ADSS2: variants seen among roughly 807,000 people sequenced by gnomAD.
ADSS2 encodes adenylosuccinate synthetase isozyme 2.
Under a neutral mutation model 60.0 loss-of-function variants are expected in ADSS2, and 30 were observed. The ratio of observed to expected loss-of-function variants is 0.50; its 90% CI spans 0.37 to 0.68. The LOEUF is 0.68. Ranked by LOEUF, ADSS2 falls within the 30% of genes least tolerant of loss-of-function variation. The probability of loss-of-function intolerance (pLI) is 0.00; values close to 1 mark genes in which losing one functional copy is unlikely to be tolerated. For missense variants in ADSS2, 373 were observed against 554.8 expected (o/e 0.67, Z 3.29); for synonymous variants, 187 against 193.1 (o/e 0.97, Z 0.26).
In ADSS2 at chr1:244,444,215, T is replaced by C. The variant is rs190566928; in HGVS notation, c.184-6447A>G. 1.2e-4 allele frequency among the ~76,000 whole-genome samples: 19 copies of C among 152,276 alleles called. No individual in the cohort carries two copies. The East Asian group carries it at 3.7e-3, about 29-fold the overall frequency. ...ACCAATTTTCTTTGACTGTTATTCT[T>C]ACATTAAGATGAAATACAGGCCGGG... On this transcript the variant is annotated intron_variant, in intron 1 of 12. Coordinates refer to ENST00000366535, the MANE Select transcript of ADSS2 (RefSeq NM_001126.5).
At chr1:244,431,526 T>C (rs1288449050) in intron 4 of ADSS2, among the ~76,000 whole-genome samples, 2 of 152,218 alleles carry the variant, frequency 1.3e-5, no homozygotes, top group African/African-American at 4.8e-5. Flanking sequence ...GTATTCCACA[T>C]TTTATCCACT....
chr1:244,436,895 TA>T lies in ADSS2; in HGVS notation c.287-3del, dbSNP rs747075231. 2.5e-6 allele frequency: 4 copies of T among 1,610,834 alleles called. No homozygotes were observed. The African/African-American group carries it at 5.3e-5, about 22-fold the overall frequency. ...GTAGATGAATTACCACACCATTTCC[TA>T]AAGGAAAACCAACAAATCCCAACGG... On this transcript the variant is annotated splice_polypyrimidine_tract_variant and splice_region_variant and intron_variant, in intron 2 of 12. Coordinates refer to ENST00000366535, the MANE Select transcript of ADSS2 (RefSeq NM_001126.5).
rs531248530 is a variant in ADSS2 at position 244,447,433 on chromosome 1, G to A, written c.183+4202C>T. 5.3e-5 allele frequency among the ~76,000 whole-genome samples: 8 copies of A among 152,122 alleles called. No individual in the cohort carries two copies. In the South Asian group the frequency reaches 6.2e-4, roughly 12 times the overall value. On this transcript the variant is annotated intron_variant, in intron 1 of 12. Coordinates refer to ENST00000366535, the MANE Select transcript of ADSS2 (RefSeq NM_001126.5). ...ACACCACTGAGATGGTCTCATACAC[G>A]TTTAAAAACTCATGCCTCAAAAGTA...
chr1:244,444,056 T>C (rs1446177063), intron 1 of ADSS2, among the ~76,000 whole-genome samples: 2 of 152,182 alleles, frequency 1.3e-5, no homozygotes. Flanking sequence ...AGCATAAGCT[T>C]ATAATGCCTT....
At chr1:244,419,447 AC>A (rs1404673665) in intron 8 of ADSS2, among the ~76,000 whole-genome samples, 1 of 152,208 alleles carries the variant, frequency 6.6e-6, no homozygotes, top group Non-Finnish European at 1.5e-5. Flanking sequence ...TTCATATTTA[AC>A]TATTCACTCT....
At chr1:244,450,831 C>G (rs1462264227) in intron 1 of ADSS2, among the ~76,000 whole-genome samples, 1 of 152,340 alleles carries the variant, frequency 6.6e-6, no homozygotes, top group East Asian at 1.9e-4. Flanking sequence ...CGAAAGTTCA[C>G]TTTCGATGTC....
At chr1:244,443,455 A>C (rs562837067) in intron 1 of ADSS2, among the ~76,000 whole-genome samples, 12 of 152,264 alleles carry the variant, frequency 7.9e-5, no homozygotes, top group Non-Finnish European at 1.2e-4. Flanking sequence ...GGGCTGTGGA[A>C]TCTCAACGTT....
chr1:244,408,815 A>G lies in ADSS2; in HGVS notation c.*771T>C, dbSNP rs1664343002. The G allele has an allele frequency of 6.6e-6, 1 of 152,296 alleles. No homozygotes were observed. 9.4% of individuals were successfully genotyped at this position (152,296 alleles called of 1,614,324 possible). A position where few individuals can be genotyped will look rare whatever the true frequency, so the allele number is the denominator to read the frequency against. On this transcript the variant is annotated 3_prime_UTR_variant, in exon 13 of 13. Coordinates refer to ENST00000366535, the MANE Select transcript of ADSS2 (RefSeq NM_001126.5). ...AAGAAAAGATACACATTTCAGAGGTAATGTTTGAAATTAAAGAAAAATATC... is the reference window on the plus strand; with the variant it reads ...AAGAAAAGATACACATTTCAGAGGTGATGTTTGAAATTAAAGAAAAATATC...
intron 3 of ADSS2, among the ~76,000 whole-genome samples, chr1:244,433,144 G>A (rs925855571): frequency 2.0e-5 from 3 of 152,092 alleles, no homozygotes; most frequent in Non-Finnish European, 4.4e-5. Flanking sequence ...GCTGTGGCAC[G>A]AGAATCACTT....
At chr1:244,429,446 C>T (rs1008467456) in intron 4 of ADSS2, among the ~76,000 whole-genome samples, 4 of 152,164 alleles carry the variant, frequency 2.6e-5, no homozygotes, top group Non-Finnish European at 5.9e-5. Context: ...ACAGAACTGT[C>T]CGTTCAGTGC....
chr1:244,435,192 A>AC (rs1665062969), intron 3 of ADSS2, among the ~76,000 whole-genome samples: 1 of 146,350 alleles, frequency 6.8e-6, no homozygotes, highest in African/African-American at 2.5e-5. Context: ...AAAAAAAAAA[A>AC]AAAAACAAAC....
chr1:244,412,264 T>C (rs1246296115), intron 11 of ADSS2, among the ~76,000 whole-genome samples: 1 of 152,244 alleles, frequency 6.6e-6, no homozygotes, highest in South Asian at 2.1e-4. Flanking sequence ...TGCCTAATCC[T>C]GCTTCTCCCA....
intron 1 of ADSS2, among the ~76,000 whole-genome samples, chr1:244,440,366 A>G (rs74906872): frequency 0.011 from 1,666 of 152,284 alleles, 36 homozygotes; most frequent in African/African-American, 0.038. Context: ...GCAAATACCT[A>G]TTTACACGGT....
At chr1:244,446,970 T>C (rs747950088) in intron 1 of ADSS2, among the ~76,000 whole-genome samples, 3 of 152,214 alleles carry the variant, frequency 2.0e-5, no homozygotes, top group South Asian at 2.1e-4. Context: ...AGAAATCTCA[T>C]GGAGCCTCTT....
At chr1:244,416,154 A>G (rs888481385) in intron 10 of ADSS2, 76 bp from the exon 11 acceptor site, 1 of 978,066 alleles carries the variant, frequency 1.0e-6, no homozygotes, top group African/African-American at 1.7e-5. Flanking sequence ...TTAATGCAGG[A>G]GTAAAGAAAA....
At chr1:244,444,356 A>C (rs974389799) in intron 1 of ADSS2, among the ~76,000 whole-genome samples, 1 of 149,910 alleles carries the variant, frequency 6.7e-6, no homozygotes, top group Non-Finnish European at 1.5e-5. Flanking sequence ...TCTACTAAAA[A>C]TACAAAAAAT....
At chr1:244,440,614 T>A (rs1665214056) in intron 1 of ADSS2, among the ~76,000 whole-genome samples, 1 of 152,144 alleles carries the variant, frequency 6.6e-6, no homozygotes, top group East Asian at 1.9e-4. Flanking sequence ...AGACACCAAG[T>A]GGCACAGAAC....
intron 1 of ADSS2, among the ~76,000 whole-genome samples, chr1:244,441,385 G>A (rs1665244860): frequency 6.6e-6 from 1 of 152,012 alleles, no homozygotes; most frequent in Non-Finnish European, 1.5e-5. Context: ...ATAACTCACA[G>A]GATAATTCTT....
chr1:244,446,197 C>G (rs565956807), intron 1 of ADSS2, among the ~76,000 whole-genome samples: 1 of 152,206 alleles, frequency 6.6e-6, no homozygotes, highest in East Asian at 1.9e-4. Flanking sequence ...ATTGTAAGAT[C>G]TGTGTCTCCT....
Sources: gnomAD v4.1 joint callset for allele counts (sites outside exome capture counted in the v4.1 genomes callset) on GRCh38, gnomAD v4.1.1 for gene constraint, MANE v1.5 for transcripts, NCBI Gene and HGNC (gene_info 2026-07-23, HGNC 2026-07-21) for gene names.